Variants in EPHA3 observed in about 807,000 individuals in gnomAD.
EPHA3 encodes EPH receptor A3.
Under a neutral mutation model 107.1 loss-of-function variants are expected in EPHA3, and 42 were observed. That is an observed-to-expected ratio of 0.39 (90% CI 0.31 to 0.51). The LOEUF is 0.51. EPHA3 is among the 20% of genes least tolerant of loss of function. The pLI is 0.78. For missense variants in EPHA3, 1,183 were observed against 1,211.2 expected (o/e 0.98, Z 0.35); for synonymous variants, 461 against 424.8 (o/e 1.09, Z -1.05).
At chr3:89,456,967 T>C (rs1710109850) in intron 15 of EPHA3, among the ~76,000 whole-genome samples, 1 of 152,190 alleles carries the variant, frequency 6.6e-6, no homozygotes, top group South Asian at 2.1e-4. Context: ...GAAAAAAGAA[T>C]ATTTAGAACA....
intron 3 of EPHA3, among the ~76,000 whole-genome samples, chr3:89,258,129 C>T (rs1705329053): frequency 6.6e-6 from 1 of 152,112 alleles, no homozygotes; most frequent in East Asian, 1.9e-4. Flanking sequence ...GCTGAAATGT[C>T]CAGTCAAAAT....
intron 16 of EPHA3, among the ~76,000 whole-genome samples, chr3:89,474,820 G>A (rs764715076): frequency 2.0e-5 from 3 of 152,180 alleles, no homozygotes; most frequent in Non-Finnish European, 4.4e-5. Context: ...CATGTTGGAC[G>A]TCAAACTCTT....
At chr3:89,114,616 G>A (rs548275305) in intron 1 of EPHA3, among the ~76,000 whole-genome samples, 3 of 152,336 alleles carry the variant, frequency 2.0e-5, no homozygotes, top group Admixed American at 1.3e-4. Flanking sequence ...TCCCGAGGTA[G>A]GGTGGGTGGG....
At chr3:89,294,394 A>G (rs1191535774) in intron 3 of EPHA3, among the ~76,000 whole-genome samples, 1 of 152,180 alleles carries the variant, frequency 6.6e-6, no homozygotes, top group Non-Finnish European at 1.5e-5. Flanking sequence ...TTAAAAATGC[A>G]TTACTAAATT....
chr3:89,269,544 C>T (rs78311200), intron 3 of EPHA3, among the ~76,000 whole-genome samples: 5,231 of 151,910 alleles, frequency 0.034, 311 homozygotes, highest in African/African-American at 0.12. Context: ...CCTTGGACTC[C>T]CAGAATGCTG....
intron 3 of EPHA3, among the ~76,000 whole-genome samples, chr3:89,292,031 T>G (rs1482676499): frequency 6.6e-6 from 1 of 152,164 alleles, no homozygotes; most frequent in Admixed American, 6.6e-5. Flanking sequence ...TCTCTGAGAA[T>G]AGTAAGACCA....
chr3:89,467,245 T>C (rs867704277), intron 15 of EPHA3, among the ~76,000 whole-genome samples: 10 of 152,174 alleles, frequency 6.6e-5, no homozygotes, highest in South Asian at 2.1e-4. Context: ...GGAAAAAATA[T>C]ATTACTATTC....
intron 3 of EPHA3, among the ~76,000 whole-genome samples, chr3:89,276,081 G>T (rs1038857738): frequency 6.6e-6 from 1 of 151,978 alleles, no homozygotes; most frequent in Non-Finnish European, 1.5e-5. Flanking sequence ...AAAAATGGCT[G>T]TGCTTGCATT....
intron 2 of EPHA3, among the ~76,000 whole-genome samples, chr3:89,153,271 A>G (rs755555748): frequency 1.5e-4 from 23 of 152,172 alleles, no homozygotes; most frequent in Non-Finnish European, 2.2e-4. Context: ...CACTTAAGAT[A>G]CTATGCTCTC....
intron 5 of EPHA3, among the ~76,000 whole-genome samples, chr3:89,394,301 T>C (rs116591925): frequency 2.6e-5 from 4 of 152,076 alleles, no homozygotes; most frequent in Non-Finnish European, 5.9e-5. Flanking sequence ...TCTCAGCCAG[T>C]AGGATTGCTT....
intron 7 of EPHA3, among the ~76,000 whole-genome samples, chr3:89,403,239 CAA>C (rs926671669): frequency 6.6e-5 from 10 of 152,070 alleles, no homozygotes; most frequent in Admixed American, 2.0e-4. Context: ...GGAAGTTTTC[CAA>C]AGTCACACAA....
Position 89,115,785 on chromosome 3 carries a change from G to A in EPHA3, c.88+7949G>A, listed in dbSNP as rs376331604. Among the ~76,000 whole-genome samples, 12 of 152,180 alleles carry A rather than the reference G, an allele frequency of 7.9e-5. No homozygotes were observed. In the East Asian group the frequency reaches 9.7e-4, roughly 12 times the overall value. On this transcript the variant is annotated intron_variant, in intron 1 of 16. Transcript: ENST00000336596. Reference sequence around the variant, plus strand: ...CTGAGAAAATGGATCATAATAAAGCGGTAACTAAGCCAAGCCCTCTCTCGT... The same window carrying A: ...CTGAGAAAATGGATCATAATAAAGCAGTAACTAAGCCAAGCCCTCTCTCGT...
intron 3 of EPHA3, among the ~76,000 whole-genome samples, chr3:89,260,784 C>A (rs1340771574): frequency 6.6e-6 from 1 of 152,176 alleles, no homozygotes; most frequent in Non-Finnish European, 1.5e-5. Flanking sequence ...CTTTCTTTGC[C>A]TTTTGTTTTG....
chr3:89,387,036 G>A (rs1708636132), intron 5 of EPHA3, among the ~76,000 whole-genome samples: 1 of 152,286 alleles, frequency 6.6e-6, no homozygotes, highest in East Asian at 1.9e-4. Flanking sequence ...AGGCAGAAAG[G>A]ACTTGACTTG....
chr3:89,193,976 AC>A, intron 2 of EPHA3, among the ~76,000 whole-genome samples: 1 of 152,082 alleles, frequency 6.6e-6, no homozygotes, highest in South Asian at 2.1e-4. Context: ...ACACACATTC[AC>A]ATTAGGCTAT....
intron 3 of EPHA3, among the ~76,000 whole-genome samples, chr3:89,274,310 C>T (rs1705751957): frequency 2.0e-5 from 3 of 151,866 alleles, no homozygotes; most frequent in African/African-American, 4.8e-5. Context: ...AAAATCATTC[C>T]ATCTCTGTTA....
intron 4 of EPHA3, among the ~76,000 whole-genome samples, 157 bp downstream of exon 4, chr3:89,341,228 AC>A (rs1450591725): frequency 6.6e-6 from 1 of 152,216 alleles, no homozygotes; most frequent in African/African-American, 2.4e-5. Flanking sequence ...TGCTTGGCTC[AC>A]CACAAATGCA....
At chr3:89,184,060 G>A (rs916677269) in intron 2 of EPHA3, among the ~76,000 whole-genome samples, 3 of 151,224 alleles carry the variant, frequency 2.0e-5, no homozygotes, top group African/African-American at 4.9e-5. Flanking sequence ...CACATGATTC[G>A]GAGCAGTGTT....
At chr3:89,132,689 A>T (rs1234019802) in intron 2 of EPHA3, among the ~76,000 whole-genome samples, 1 of 152,126 alleles carries the variant, frequency 6.6e-6, no homozygotes, top group Non-Finnish European at 1.5e-5. Flanking sequence ...GGGAAAACAC[A>T]GTGATAACAC....
Sources: gnomAD v4.1 joint callset for allele counts (sites outside exome capture counted in the v4.1 genomes callset) on GRCh38, gnomAD v4.1.1 for gene constraint, MANE v1.5 for transcripts, NCBI Gene and HGNC (gene_info 2026-07-23, HGNC 2026-07-21) for gene names.